Variants in PAK5 observed in about 807,000 individuals in gnomAD.
The protein encoded by PAK5 is p21 (RAC1) activated kinase 5.
PAK5 carries 16 observed loss-of-function variants against 65.9 expected under a neutral mutation model. That is an observed-to-expected ratio of 0.24 (90% CI 0.16 to 0.37). PAK5 has a LOEUF of 0.37. PAK5 is among the 10% of genes least tolerant of loss of function. PAK5 has a pLI of 1.00. For missense variants in PAK5, 785 were observed against 903.9 expected (o/e 0.87, Z 1.69); for synonymous variants, 371 against 354.9 (o/e 1.05, Z -0.51).
At chr20:9,630,812 G>C (rs987228994) in intron 3 of PAK5, among the ~76,000 whole-genome samples, 1 of 152,150 alleles carries the variant, frequency 6.6e-6, no homozygotes, top group Non-Finnish European at 1.5e-5. Context: ...TTTCAGAAGA[G>C]TCACGGACCA....
intron 2 of PAK5, among the ~76,000 whole-genome samples, chr20:9,645,518 T>A (rs1447965224): frequency 6.6e-6 from 1 of 152,212 alleles, no homozygotes; most frequent in Admixed American, 6.5e-5. Context: ...TTGGCCTACA[T>A]GTTGATTTGT....
In PAK5 at chr20:9,644,107, A is replaced by G. The variant is rs1383095616; in HGVS notation, c.204+18T>C. 1.9e-6 allele frequency: 3 copies of G among 1,598,458 alleles called. No individual in the cohort carries two copies. The highest frequency in any genetic ancestry group is 3.3e-5 in the Admixed American group (2 of 59,966). On this transcript the variant is annotated intron_variant, in intron 3 of 9. Transcript: ENST00000353224. ...GCATGATTCTTAAGCCCAGCCAAAG[A>G]TGGAGCCCTCACCATACCTTCATAG...
intron 1 of PAK5, among the ~76,000 whole-genome samples, chr20:9,777,143 G>T (rs986268629): frequency 6.6e-6 from 1 of 152,152 alleles, no homozygotes; most frequent in Non-Finnish European, 1.5e-5. Flanking sequence ...TGGGAGGATT[G>T]CTTGAGCTCA....
At position 9,657,283 on chromosome 20, in the gene PAK5, C is replaced by T. The variant is rs144956064; in HGVS notation, c.-11-12944G>A. Among the ~76,000 whole-genome samples the T allele has an allele frequency of 9.2e-4, 140 of 152,238 alleles. 1 individual carries two copies. The East Asian group carries it at 0.022, about 24-fold the overall frequency. On this transcript the variant is annotated intron_variant, in intron 2 of 9. Coordinates refer to ENST00000353224, the MANE Select transcript of PAK5 (RefSeq NM_177990.4). ...GGATGGTCCTGTTTCCCTCTCAGCA[C>T]GAGGCCCTAGCACTCCATCCACGTT...
At chr20:9,596,492 C>T (rs1013232837) in intron 3 of PAK5, among the ~76,000 whole-genome samples, 11 of 151,818 alleles carry the variant, frequency 7.2e-5, no homozygotes, top group African/African-American at 1.2e-4. Context: ...AAAAATTAGC[C>T]GGGCGTGGTG....
chr20:9,619,450 C>T (rs567850875), intron 3 of PAK5, among the ~76,000 whole-genome samples: 16 of 152,270 alleles, frequency 1.1e-4, no homozygotes, highest in Middle Eastern at 3.4e-3. Flanking sequence ...TTTCACTGCC[C>T]AATACTCTCA....
chr20:9,550,746 G>A (rs1356514405), intron 7 of PAK5, among the ~76,000 whole-genome samples: 2 of 151,930 alleles, frequency 1.3e-5, no homozygotes, highest in African/African-American at 2.4e-5. Flanking sequence ...GTGTGTGTGT[G>A]TGTGTGTGTG....
chr20:9,572,294 C>A (rs1299015947), intron 4 of PAK5, among the ~76,000 whole-genome samples: 2 of 152,170 alleles, frequency 1.3e-5, no homozygotes, highest in Non-Finnish European at 2.9e-5. Context: ...TGCGATGAGA[C>A]CTCCTCACAT....
chr20:9,579,889 A>G (rs1031954362), intron 4 of PAK5, among the ~76,000 whole-genome samples: 2 of 152,194 alleles, frequency 1.3e-5, no homozygotes, highest in African/African-American at 4.8e-5. Flanking sequence ...TTTCAAATCA[A>G]TAAGTTTATT....
rs1161266610 is a variant in PAK5, at chr20:9,574,767, T to A, written c.990+5378A>T. On this transcript the variant is annotated intron_variant, in intron 4 of 9. Transcript: ENST00000353224. ...ACTCAGTCAGTCCTTGGATGTTTTA[T>A]GAGCCTTAATGAAGACCCTGTAGGT... Among the ~76,000 whole-genome samples, 5 of 152,236 alleles carry A rather than the reference T, an allele frequency of 3.3e-5. No homozygotes were observed. The East Asian group carries it at 7.7e-4, about 23-fold the overall frequency.
chr20:9,688,936 C>T (rs4816164), intron 2 of PAK5, among the ~76,000 whole-genome samples: 53,696 of 151,968 alleles, frequency 0.35, 11,370 homozygotes, highest in African/African-American at 0.6. Flanking sequence ...ACTGCACCAA[C>T]GTAGTTTCAT....
rs887092065 is a variant in PAK5, at chr20:9,699,743, T to C, written c.-12+11543A>G. Among the ~76,000 whole-genome samples the C allele has an allele frequency of 2.0e-5, 3 of 151,806 alleles. No individual in the cohort carries two copies. The South Asian group carries it at 6.2e-4, about 32-fold the overall frequency. ...TTCACAAGTGGGAACCTGGAGGACT[T>C]GGAAAAAAAAGTGAAATATCGTGTC... On this transcript the variant is annotated intron_variant, in intron 2 of 9. Transcript: ENST00000353224.
intron 2 of PAK5, among the ~76,000 whole-genome samples, chr20:9,693,425 G>A (rs189682099): frequency 1.8e-4 from 27 of 151,196 alleles, no homozygotes; most frequent in African/African-American, 3.2e-4. Context: ...TTCATCTCTC[G>A]TTTACCTGTC....
intron 1 of PAK5, among the ~76,000 whole-genome samples, chr20:9,720,382 T>C (rs1413454247): frequency 2.0e-5 from 3 of 152,208 alleles, no homozygotes; most frequent in African/African-American, 7.2e-5. Flanking sequence ...CCTGGAAATA[T>C]CATGTATACT....
chr20:9,577,113 T>C (rs1294221416), intron 4 of PAK5, among the ~76,000 whole-genome samples: 1 of 152,184 alleles, frequency 6.6e-6, no homozygotes, highest in Non-Finnish European at 1.5e-5. Context: ...TCTGGCAGTT[T>C]TCATAATTTT....
chr20:9,614,564 T>A (rs1473388786), intron 3 of PAK5, among the ~76,000 whole-genome samples: 2 of 151,678 alleles, frequency 1.3e-5, no homozygotes, highest in Non-Finnish European at 2.9e-5. Context: ...AGGAAAAAAA[T>A]CCCAAAAGAT....
At chr20:9,776,911 G>A (rs1486279587) in intron 1 of PAK5, among the ~76,000 whole-genome samples, 2 of 152,160 alleles carry the variant, frequency 1.3e-5, no homozygotes, top group African/African-American at 4.8e-5. Context: ...AAACATGGTG[G>A]TAATTTGCTA....
At chr20:9,694,302 G>A (rs2047838094) in intron 2 of PAK5, among the ~76,000 whole-genome samples, 1 of 101,504 alleles carries the variant, frequency 9.9e-6, no homozygotes, top group Non-Finnish European at 1.8e-5. Context: ...CCGTGTGTGT[G>A]TTTGTGTGTG....
At chr20:9,696,611 A>G (rs1427906329) in intron 2 of PAK5, among the ~76,000 whole-genome samples, 4 of 152,014 alleles carry the variant, frequency 2.6e-5, no homozygotes, top group Admixed American at 6.6e-5. Context: ...TTTCCTGATG[A>G]TTCTCAATTG....
Sources: allele counts gnomAD v4.1 joint callset (sites outside exome capture counted in the v4.1 genomes callset), GRCh38; gene constraint gnomAD v4.1.1; transcripts MANE v1.5; gene names NCBI Gene and HGNC (gene_info 2026-07-23, HGNC 2026-07-21).